The following TRRAP variants were observed in gnomAD, a reference collection of about 807,000 sequenced individuals.
The protein encoded by TRRAP is transformation/transcription domain associated protein.
TRRAP carries 41 observed loss-of-function variants against 438.8 expected under a neutral mutation model. The observed-to-expected ratio is 0.09, with a 90% CI of 0.07 to 0.12. The LOEUF is 0.12. Ranked by LOEUF, TRRAP falls within the 10% of genes least tolerant of loss-of-function variation. The pLI is 1.00. For missense variants in TRRAP, 3,122 were observed against 5,055.1 expected (o/e 0.62, Z 11.60); for synonymous variants, 1,994 against 1,962.9 (o/e 1.02, Z -0.42).
intron 47 of TRRAP, among the ~76,000 whole-genome samples, chr7:98,963,673 G>T (rs1261002645): frequency 1.3e-5 from 2 of 152,216 alleles, no homozygotes; most frequent in Admixed American, 1.3e-4. Flanking sequence ...GTTACAACCA[G>T]ACTGGTCTTT....
chr7:98,884,130 C>G (rs1449815067), intron 3 of TRRAP, among the ~76,000 whole-genome samples: 1 of 152,158 alleles, frequency 6.6e-6, no homozygotes, highest in Non-Finnish European at 1.5e-5. Context: ...TGCGTGAGGT[C>G]TGGGAGGTTA....
intron 47 of TRRAP, among the ~76,000 whole-genome samples, chr7:98,963,017 T>C (rs1398189381): frequency 1.3e-5 from 2 of 152,198 alleles, no homozygotes; most frequent in Non-Finnish European, 2.9e-5. Context: ...TGCATATTCA[T>C]TGGGTGAAAC....
rs1457783557 is a variant in TRRAP, at chr7:98,948,310, C to A, written c.4638C>A (p.Val1546=). 6.2e-6 allele frequency: 10 copies of A among 1,614,188 alleles called. No homozygotes were observed. Among genetic ancestry groups the A allele is most frequent in the Non-Finnish European group, 8.5e-6 (10 of 1,180,030 alleles). ...QTLVKPLLEV[V]MKTERAMLIE... ...TGGTGAAGCCTTTGCTAGAGGTTGT[C>A]ATGAAAACGGAGCGGGCGATGCTGA... Residue 1546 remains valine, a synonymous_variant, in exon 34 of 73, where the codon GTC becomes GTA. Coordinates refer to ENST00000456197, the MANE Select transcript of TRRAP (RefSeq NM_001375524.1). The surrounding 1 kb of genome is among the most constrained non-coding windows in gnomAD (Gnocchi z 4.9).
chr7:98,956,090 T>G lies in TRRAP; in HGVS notation c.5938-56T>G. ...GTGTGTGCACGTGCGCACACGTGCA[T>G]GCACTGTGGGACCAAGCTCCCATGT... is the stretch of plus-strand genomic sequence containing the variant. On this transcript the variant is annotated intron_variant, in intron 41 of 72. Transcript: ENST00000456197. The surrounding 1 kb of genome is among the most constrained non-coding windows in gnomAD (Gnocchi z 4.5). 1 of 1,564,244 alleles carries G rather than the reference T, an allele frequency of 6.4e-7. No homozygotes were observed.
rs1792126470 is a variant in TRRAP, at chr7:98,965,802, C to T, written c.7083C>T (p.Leu2361=). The T allele has an allele frequency of 1.2e-6, 2 of 1,614,146 alleles. No homozygotes were observed. Among genetic ancestry groups the T allele is most frequent in the Non-Finnish European group, 8.5e-7 (1 of 1,180,032 alleles). Reference sequence around the variant, plus strand: ...TCATCCAGGCCATCCTGACATCCCTCATCGAAAAATCACCAGATGCCAAAA... The same window carrying T: ...TCATCCAGGCCATCCTGACATCCCTTATCGAAAAATCACCAGATGCCAAAA... The part of the protein sequence containing the change: ...KNFIQAILTS[L]IEKSPDAKIL... The change falls in exon 49 of 73, where the codon CTC becomes CTT. Residue 2361 remains leucine, a synonymous_variant. Coordinates refer to ENST00000456197, the MANE Select transcript of TRRAP (RefSeq NM_001375524.1).
At chr7:98,965,288 T>C (rs890227200) in intron 48 of TRRAP, among the ~76,000 whole-genome samples, 13 of 152,332 alleles carry the variant, frequency 8.5e-5, no homozygotes, top group South Asian at 8.3e-4. Context: ...TCAGAGTTGC[T>C]GGTTCTGAAG....
intron 20 of TRRAP, 112 bp downstream of exon 20, chr7:98,917,791 G>T: frequency 1.4e-6 from 2 of 1,380,710 alleles, no homozygotes; most frequent in Non-Finnish European, 1.9e-6. Flanking sequence ...GCAGCTCTCT[G>T]TTTAATTCAT....
chr7:98,924,928 C>G (rs1432721415), intron 21 of TRRAP, among the ~76,000 whole-genome samples, 184 bp from the exon 22 acceptor site: 2 of 151,412 alleles, frequency 1.3e-5, no homozygotes, highest in Admixed American at 6.6e-5. Flanking sequence ...GGCGTGAACC[C>G]GGGAGGCAGA....
intron 62 of TRRAP, among the ~76,000 whole-genome samples, chr7:98,985,513 T>C (rs1157193003): frequency 6.6e-6 from 1 of 152,220 alleles, no homozygotes; most frequent in Non-Finnish European, 1.5e-5. Flanking sequence ...GTTGAGGAGT[T>C]GTGATAGGAA....
At chr7:98,933,640 C>T (rs1325027893) in intron 27 of TRRAP, among the ~76,000 whole-genome samples, 1 of 152,190 alleles carries the variant, frequency 6.6e-6, no homozygotes, top group Non-Finnish European at 1.5e-5. Flanking sequence ...ACTCTGTTAG[C>T]CCCAACAGGA....
At chr7:98,906,081 G>C in intron 12 of TRRAP, 96 bp from the exon 13 acceptor site, 2 of 932,852 alleles carry the variant, frequency 2.1e-6, no homozygotes, top group South Asian at 1.6e-5. Flanking sequence ...TTGCATATCA[G>C]ACTGGCGGGC....
At chr7:98,966,696 A>G (rs1054129871) in intron 49 of TRRAP, among the ~76,000 whole-genome samples, 1 of 152,208 alleles carries the variant, frequency 6.6e-6, no homozygotes, top group African/African-American at 2.4e-5. Flanking sequence ...GAAAAAAAAA[A>G]AAGTTGTTAA....
At chr7:98,981,644 G>A in intron 58 of TRRAP, 125 bp from the exon 59 acceptor site, 1 of 906,308 alleles carries the variant, frequency 1.1e-6, no homozygotes. Context: ...CATTTCTATA[G>A]CCTAATTTCT....
At chr7:98,886,559 C>G (rs994752439) in intron 3 of TRRAP, among the ~76,000 whole-genome samples, 3 of 151,910 alleles carry the variant, frequency 2.0e-5, no homozygotes, top group African/African-American at 7.3e-5. Flanking sequence ...ATAGTTAGGG[C>G]TTTTCCAAGT....
At chr7:98,953,022 C>T (rs1015095453) in intron 39 of TRRAP, 145 bp from the exon 40 acceptor site, 2 of 991,664 alleles carry the variant, frequency 2.0e-6, no homozygotes, top group South Asian at 2.1e-5. Context: ...TGTAAAACTT[C>T]ATGTTACATT....
chr7:98,910,270 C>G lies in TRRAP; in HGVS notation c.1565C>G (p.Ala522Gly). 1 of 1,597,682 alleles carries G rather than the reference C, an allele frequency of 6.3e-7. No homozygotes were observed. The highest frequency in any genetic ancestry group is 8.5e-7 in the Non-Finnish European group (1 of 1,178,092). ...CCACCTGCCACCCCTGTGACCCCGGCCCCCGTGCCTCCCTTCGAGAAGCAA... is the reference window on the plus strand; with the variant it reads ...CCACCTGCCACCCCTGTGACCCCGGGCCCCGTGCCTCCCTTCGAGAAGCAA... Reference protein sequence around the residue: ...PPPPATPVTPAPVPPFEKQGE... With the variant: ...PPPPATPVTPGPVPPFEKQGE... Residue 522 changes from alanine (A) to glycine (G), a missense_variant, in exon 15 of 73, where the codon GCC (alanine) becomes GGC (glycine). This residue lies in a region of TRRAP where 115 missense variants were observed against 124.6 expected (regional missense o/e 0.92). Transcript: ENST00000456197.
intron 67 of TRRAP, chr7:98,999,761 A>C (rs961605394): frequency 1.6e-6 from 1 of 616,828 alleles, no homozygotes; most frequent in Non-Finnish European, 2.9e-6. Flanking sequence ...TTCTGGGGGC[A>C]CTCATCTGAA....
chr7:98,882,046 T>C, intron 3 of TRRAP, 22 bp downstream of exon 3: 2 of 1,593,894 alleles, frequency 1.3e-6, no homozygotes, highest in Non-Finnish European at 8.5e-7. Context: ...ATATTTTCTA[T>C]TTTTCATTTT....
At position 99,010,503 on chromosome 7, in the gene TRRAP, C is replaced by T. The variant is rs545486225; in HGVS notation, c.10939-549C>T. Among the ~76,000 whole-genome samples, 3 of 152,288 alleles carry T rather than the reference C, an allele frequency of 2.0e-5. No individual in the cohort carries two copies. In the South Asian group the frequency reaches 6.2e-4, roughly 32 times the overall value. ...AGCTGGGAAAAGACCCCGTAGATGG[C>T]CTGTACCAGATGGTCGAACGGGAAG... is the stretch of plus-strand genomic sequence containing the variant. On this transcript the variant is annotated intron_variant, in intron 70 of 72. Transcript: ENST00000456197.
Sources: gnomAD v4.1 joint callset for allele counts (sites outside exome capture counted in the v4.1 genomes callset) on GRCh38, gnomAD v4.1.1 for gene constraint, gnomAD v4.1.1 regional missense constraint, Gnocchi (gnomAD v3.1) non-coding constraint, MANE v1.5 for transcripts, NCBI Gene and HGNC (gene_info 2026-07-23, HGNC 2026-07-21) for gene names.